The following IRX2 variants were observed in gnomAD, a reference collection of about 807,000 sequenced individuals.
IRX2 encodes iroquois-class homeodomain protein IRX-2.
In IRX2, 26 loss-of-function variants were observed where a neutral mutation model predicts 42.9. The ratio of observed to expected loss-of-function variants is 0.61; its 90% CI spans 0.44 to 0.84. The LOEUF (loss-of-function observed/expected upper bound fraction) is 0.84. Ranked by LOEUF, IRX2 falls within the 40% of genes least tolerant of loss-of-function variation. The probability of loss-of-function intolerance (pLI) is 0.00; values close to 1 mark genes in which losing one functional copy is unlikely to be tolerated. For synonymous variants in IRX2, 424 were observed against 353.9 expected (o/e 1.20, Z -2.22); for missense variants, 782 against 713.9 (o/e 1.10, Z -1.09).
Position 2,751,441 on chromosome 5 carries a change from C to T in IRX2, c.-28G>A. The T allele has an allele frequency of 8.1e-7, 1 of 1,228,434 alleles. No individual in the cohort carries two copies. Among genetic ancestry groups the T allele is most frequent in the South Asian group, 2.4e-5 (1 of 41,066 alleles). The allele number at this position is 1,228,434 out of a possible 1,614,324, so 76.1% of individuals were successfully genotyped here. A position where few individuals can be genotyped will look rare whatever the true frequency, so the allele number is the denominator to read the frequency against. The stretch of plus-strand genomic sequence containing the variant: ...TGGGCGCGGGGCGCGGGGCCCGCGT[C>T]ACGCCGAGCAGCGGGCAGGGCGCGC... On this transcript the variant is annotated 5_prime_UTR_variant, in exon 1 of 4. It removes the in-frame stop codon of an upstream open reading frame in the 5' UTR. Coordinates refer to ENST00000302057, the MANE Select transcript of IRX2 (RefSeq NM_033267.5). The surrounding 1 kb of genome is among the most constrained non-coding windows in gnomAD (Gnocchi z 4.0).
At chr5:2,749,898 G>T (rs1403880852) in intron 1 of IRX2, 111 bp from the exon 2 acceptor site, 1 of 1,137,492 alleles carries the variant, frequency 8.8e-7, no homozygotes, top group Non-Finnish European at 1.2e-6. Context: ...CGTGAGTCTG[G>T]CTCTGGGGCT....
At chr5:2,743,539 G>A (rs895925832), downstream of IRX2, among the ~76,000 whole-genome samples, 2 of 151,612 alleles carry the variant, frequency 1.3e-5, no homozygotes, top group South Asian at 4.1e-4. Flanking sequence ...GGGCCGCGGA[G>A]CCGGGAGCGC....
chr5:2,747,617 C>T lies in IRX2; in HGVS notation c.1364-1G>A. ...ACCACGGTGCAGCCCTCGCTGGCATCTGTCAGGGGAGTGGGCAGTTAGTCA... is the reference window on the plus strand; with the variant it reads ...ACCACGGTGCAGCCCTCGCTGGCATTTGTCAGGGGAGTGGGCAGTTAGTCA... On this transcript the variant is annotated splice_acceptor_variant, in intron 3 of 3. Coordinates refer to ENST00000302057, the MANE Select transcript of IRX2 (RefSeq NM_033267.5). LOFTEE classifies it high-confidence loss of function. 1 of 1,613,952 alleles carries T rather than the reference C, an allele frequency of 6.2e-7. No individual in the cohort carries two copies. The highest frequency in any genetic ancestry group is 8.5e-7 in the Non-Finnish European group (1 of 1,179,934).
chr5:2,748,977 C>G lies in IRX2; in HGVS notation c.731G>C (p.Arg244Pro), dbSNP rs753504193. 1.3e-6 allele frequency: 2 copies of G among 1,597,292 alleles called. No individual in the cohort carries two copies. Among genetic ancestry groups the G allele is most frequent in the East Asian group, 2.2e-5 (1 of 44,812 alleles). ...AESDGEKLPC[R>P]AGDPLCESGS... ...CGATTCGCACAGGGGGTCCCCGGCG[C>G]GGCACGGAAGCTTCTCCCCGTCCGA... is the stretch of plus-strand genomic sequence containing the variant. The change falls in exon 3 of 4, where the codon CGC becomes CCC. Residue 244 changes from arginine (R) to proline (P), a missense_variant. Around this residue, in one of 3 missense-constraint regions of IRX2, gnomAD observed 520 missense variants for 437.8 expected, o/e 1.19. Transcript: ENST00000302057.
At chr5:2,737,832 C>T in the IRX2 span, 9 of 152,216 alleles carry the variant, frequency 5.9e-5, no homozygotes, top group African/African-American at 1.9e-4. Context: ...GAGATGATTT[C>T]GGGCCATCAC....
At chr5:2,749,814 GAGTA>G in intron 1 of IRX2, 27 bp from the exon 2 acceptor site, 1 of 1,557,656 alleles carries the variant, frequency 6.4e-7, no homozygotes. Flanking sequence ...CCTGTGAGTG[GAGTA>G]TGCGGAGACC....
the IRX2 span, among the ~76,000 whole-genome samples, chr5:2,740,391 G>A: frequency 6.6e-6 from 1 of 152,084 alleles, no homozygotes; most frequent in Non-Finnish European, 1.5e-5. Flanking sequence ...GCGACTGTTC[G>A]GTTCTCCCGA....
chr5:2,748,063 C>T (rs1737743167), intron 3 of IRX2, among the ~76,000 whole-genome samples: 1 of 152,144 alleles, frequency 6.6e-6, no homozygotes, highest in Admixed American at 6.5e-5. Flanking sequence ...ATTTGAATTT[C>T]GTGGCAATCT....
At chr5:2,736,020 G>C in the IRX2 span, among the ~76,000 whole-genome samples, 1 of 152,156 alleles carries the variant, frequency 6.6e-6, no homozygotes, top group South Asian at 2.1e-4. Flanking sequence ...GCAGCTCTGA[G>C]GTCTTGCCAT....
downstream of IRX2, among the ~76,000 whole-genome samples, chr5:2,741,475 C>T (rs1737537731): frequency 6.6e-6 from 1 of 151,948 alleles, no homozygotes; most frequent in African/African-American, 2.4e-5. Context: ...TTAAAGGTCA[C>T]CAAAAAGGAG....
downstream of IRX2, among the ~76,000 whole-genome samples, chr5:2,743,949 G>A (rs1737600480): frequency 6.6e-6 from 1 of 152,158 alleles, no homozygotes; most frequent in African/African-American, 2.4e-5. Context: ...GGTAAGTTAT[G>A]GAAATCTTTA....
At chr5:2,735,795 C>A in the IRX2 span, among the ~76,000 whole-genome samples, 1 of 152,170 alleles carries the variant, frequency 6.6e-6, no homozygotes, top group African/African-American at 2.4e-5. Context: ...TCCTGGTGAA[C>A]TGCTGATAAG....
chr5:2,742,509 C>T (rs1212078252), downstream of IRX2, among the ~76,000 whole-genome samples: 3 of 152,092 alleles, frequency 2.0e-5, no homozygotes, highest in Non-Finnish European at 2.9e-5. Flanking sequence ...ATAGCACAGA[C>T]GGTTGTGTAT....
chr5:2,746,132 T>A (rs1184334743), downstream of IRX2: 1 of 152,014 alleles, frequency 6.6e-6, no homozygotes, highest in Admixed American at 6.6e-5. Context: ...CCCCAAATCA[T>A]TCTTCTAGGA....
the IRX2 span, among the ~76,000 whole-genome samples, chr5:2,737,556 A>C: frequency 1.3e-5 from 2 of 152,188 alleles, no homozygotes; most frequent in Admixed American, 1.3e-4. Flanking sequence ...CCCCACTAGC[A>C]GGTCTCGAGT....
In IRX2 at chr5:2,748,890, C is replaced by G; in HGVS notation, c.818G>C (p.Gly273Ala). Residue 273 changes from glycine (G) to alanine (A), a missense_variant, in exon 3 of 4, where the codon GGC (glycine) becomes GCC (alanine). Gly to Ala is a moderately conservative substitution (Grantham distance 60, BLOSUM62 0). This residue lies in a region of IRX2 where 520 missense variants were observed against 437.8 expected (regional missense o/e 1.19). Transcript: ENST00000302057. The stretch of plus-strand genomic sequence containing the variant: ...CTTGGGCGGCGCCAGGCCCCGCTCG[C>G]CCTCCTCGTCGTCGTCCTCGTCGTC... ...LEDDEDDDEE[G>A]ERGLAPPKPV... is the part of the protein sequence containing the mutation. 6.3e-7 allele frequency: 1 copy of G among 1,595,726 alleles called. No homozygotes were observed. Among genetic ancestry groups the G allele is most frequent in the Non-Finnish European group, 8.5e-7 (1 of 1,179,056 alleles).
At position 2,749,003 on chromosome 5, in the gene IRX2, C is replaced by T; in HGVS notation, c.705G>A (p.Glu235=). The change falls in exon 3 of 4, where the codon GAG becomes GAA. Residue 235 remains glutamate, a synonymous_variant. Transcript: ENST00000302057. ...DSLTDHSCSA[E]SDGEKLPCRA... ...GGCACGGAAGCTTCTCCCCGTCCGA[C>T]TCGGCCGAGCACGAGTGATCCGTGA... The T allele has an allele frequency of 6.3e-7, 1 of 1,597,422 alleles. No individual in the cohort carries two copies. The highest frequency in any genetic ancestry group is 8.5e-7 in the Non-Finnish European group (1 of 1,179,418).
Position 2,748,399 on chromosome 5 carries a change from G to A in IRX2, c.1309C>T (p.His437Tyr). The stretch of plus-strand genomic sequence containing the variant: ...GACCGGTAGTGGGACTCGAGCGGGT[G>A]CGCGCCCGCCTTGCCCGCGTCGCTG... ...AASDAGKAGA[H>Y]PLESHYRSPG... Residue 437 changes from histidine (H) to tyrosine (Y), a missense_variant, in exon 3 of 4, where the codon CAC (histidine) becomes TAC (tyrosine). By Grantham distance (83) the His-to-Tyr change is moderately conservative (BLOSUM62 2). Transcript: ENST00000302057. 1 of 1,486,058 alleles carries A rather than the reference G, an allele frequency of 6.7e-7. No homozygotes were observed. Among genetic ancestry groups the A allele is most frequent in the Non-Finnish European group, 8.9e-7 (1 of 1,123,192 alleles). 92.1% of individuals were successfully genotyped at this position (1,486,058 alleles called of 1,614,324 possible). A position where few individuals can be genotyped will look rare whatever the true frequency, so the allele number is the denominator to read the frequency against.
At chr5:2,742,690 T>A (rs150451945), downstream of IRX2, among the ~76,000 whole-genome samples, 2,486 of 152,340 alleles carry the variant, frequency 0.016, 58 homozygotes, top group South Asian at 0.094. Context: ...AGAAAAATTA[T>A]ATAGTGATAA....
Sources: gnomAD v4.1 joint callset for allele counts (sites outside exome capture counted in the v4.1 genomes callset) on GRCh38, gnomAD v4.1.1 for gene constraint, gnomAD v4.1.1 regional missense constraint, Gnocchi (gnomAD v3.1) non-coding constraint, MANE v1.5 for transcripts, NCBI Gene and HGNC (gene_info 2026-07-23, HGNC 2026-07-21) for gene names.